Variants in DISP1 observed in about 807,000 individuals in gnomAD.
DISP1 encodes the protein dispatched RND transporter family member 1, also known as protein dispatched homolog 1.
In DISP1, 30 loss-of-function variants were observed where a neutral mutation model predicts 37.3. The ratio of observed to expected loss-of-function variants is 0.80; its 90% CI spans 0.60 to 1.09. DISP1 has a LOEUF of 1.09. Among genes scored for constraint, DISP1 ranks in the 50% least tolerant of loss-of-function variants. DISP1 has a pLI of 0.00. For synonymous variants in DISP1, 634 were observed against 690.2 expected (o/e 0.92, Z 1.28); for missense variants, 1,598 against 1,879.5 (o/e 0.85, Z 2.77).
At chr1:222,995,985 A>C (rs1283550048) in intron 8 of DISP1, among the ~76,000 whole-genome samples, 3 of 152,160 alleles carry the variant, frequency 2.0e-5, no homozygotes, top group Non-Finnish European at 2.9e-5. Flanking sequence ...TAACCAGGTA[A>C]CCTAGTTAGT....
At chr1:222,972,205 T>G (rs1236097340) in intron 3 of DISP1, among the ~76,000 whole-genome samples, 1 of 152,128 alleles carries the variant, frequency 6.6e-6, no homozygotes, top group African/African-American at 2.4e-5. Flanking sequence ...TCACCAGAAT[T>G]ATTTTCTTAT....
intron 1 of DISP1, among the ~76,000 whole-genome samples, chr1:222,850,917 C>G (rs930057445): frequency 2.6e-5 from 4 of 152,044 alleles, no homozygotes. Flanking sequence ...TTTTATCTGA[C>G]AGGCCCATTG....
At chr1:222,908,056 G>A (rs141640490) in intron 1 of DISP1, among the ~76,000 whole-genome samples, 55 of 152,206 alleles carry the variant, frequency 3.6e-4, no homozygotes, top group African/African-American at 1.1e-3. Context: ...AGATGTTTGC[G>A]CTTTGGTGGA....
At chr1:222,991,013 CTTCTACAAAATTATTCTCATAA>C (rs1159225855) in intron 5 of DISP1, among the ~76,000 whole-genome samples, 3 of 152,142 alleles carry the variant, frequency 2.0e-5, no homozygotes, top group African/African-American at 7.2e-5. Context: ...GAGAATCTGC[CTTCTACAAAATTATTCTCATAA>C]AGTCTTTAAC....
chr1:222,937,588 G>A (rs1406454940), intron 2 of DISP1, among the ~76,000 whole-genome samples: 1 of 152,046 alleles, frequency 6.6e-6, no homozygotes, highest in Admixed American at 6.6e-5. Context: ...TCGAAAGATG[G>A]TTTTTGGCCA....
chr1:222,938,341 C>G (rs532820698), intron 2 of DISP1, among the ~76,000 whole-genome samples: 2 of 149,862 alleles, frequency 1.3e-5, no homozygotes, highest in African/African-American at 4.9e-5. Context: ...CCTTATTCCA[C>G]TCCTATTATA....
At chr1:222,962,243 T>C (rs1246460747) in intron 3 of DISP1, among the ~76,000 whole-genome samples, 4 of 152,130 alleles carry the variant, frequency 2.6e-5, no homozygotes, top group African/African-American at 9.7e-5. Flanking sequence ...GAAGGACCTC[T>C]TGAAGGAGAA....
At chr1:222,844,618 T>C (rs1192100741) in intron 1 of DISP1, among the ~76,000 whole-genome samples, 3 of 152,164 alleles carry the variant, frequency 2.0e-5, no homozygotes, top group Non-Finnish European at 4.4e-5. Flanking sequence ...TAGTGTAAAT[T>C]TGCAGGAAAG....
chr1:222,954,744 G>A (rs1004135710), intron 3 of DISP1, among the ~76,000 whole-genome samples: 3 of 152,144 alleles, frequency 2.0e-5, no homozygotes, highest in Non-Finnish European at 2.9e-5. Context: ...GGCCAGGCTG[G>A]CTCACACCTG....
rs547726485 is a variant in DISP1, at chr1:222,943,840, C to T, written c.509+508C>T. ...GATTGGGAGTTTGAGACCAGCCTGA[C>T]GAACATGGACAAACCCCGTCTCTAC... is the stretch of plus-strand genomic sequence containing the variant. On this transcript the variant is annotated intron_variant, in intron 3 of 8. Coordinates refer to ENST00000675850, the MANE Select transcript of DISP1 (RefSeq NM_001377229.1). Among the ~76,000 whole-genome samples, 598 of 152,162 alleles carry T rather than the reference C, an allele frequency of 3.9e-3. 2 individuals carry two copies. The highest frequency in any genetic ancestry group is 6.9e-3 in the Non-Finnish European group (466 of 68,010).
At chr1:222,854,404 T>A in intron 1 of DISP1, among the ~76,000 whole-genome samples, 1 of 152,144 alleles carries the variant, frequency 6.6e-6, no homozygotes, top group Non-Finnish European at 1.5e-5. Context: ...TGCCACATGC[T>A]TATAAAACCA....
rs773625592 is a variant in DISP1, at chr1:223,003,463, A to G, written c.2066A>G (p.Gln689Arg). 26 of 1,614,074 alleles carry G rather than the reference A, an allele frequency of 1.6e-5. No homozygotes were observed. Among genetic ancestry groups the G allele is most frequent in the South Asian group, 1.5e-4 (14 of 91,086 alleles). ...DNKSCWTVAC[Q>R]KCHKVLFAIS... ...AAAAGCTGCTGGACAGTGGCTTGCC[A>G]GAAGTGCCACAAAGTACTCTTTGCC... The change falls in exon 9 of 9, where the codon CAG becomes CGG. Residue 689 changes from glutamine to arginine, a missense_variant. Gln to Arg is a conservative substitution (Grantham distance 43). Coordinates refer to ENST00000675850, the MANE Select transcript of DISP1 (RefSeq NM_001377229.1). This position sits in a 1 kb window ranked among gnomAD's most constrained non-coding sequence, Gnocchi z 4.3.
At chr1:222,884,697 G>A (rs1388167834) in intron 1 of DISP1, among the ~76,000 whole-genome samples, 2 of 152,098 alleles carry the variant, frequency 1.3e-5, no homozygotes, top group Non-Finnish European at 1.5e-5. Context: ...CTTGGTTAAG[G>A]TGTCTGCCCA....
At chr1:222,976,969 T>C (rs1314113729) in intron 3 of DISP1, among the ~76,000 whole-genome samples, 1 of 152,244 alleles carries the variant, frequency 6.6e-6, no homozygotes, top group African/African-American at 2.4e-5. Context: ...ACTGCCTTAC[T>C]CTCTGGAAAA....
In DISP1 at chr1:222,982,938, C is replaced by CT. The variant is rs10626845; in HGVS notation, c.510-131dup. 0.089 allele frequency: 51,204 copies of CT among 573,012 alleles called. 1,844 individuals are homozygous for CT. The highest frequency in any genetic ancestry group is 0.28 in the African/African-American group (14,792 of 52,282). 35.5% of individuals were successfully genotyped at this position (573,012 alleles called of 1,614,324 possible). ...GTTTAAAATCTCTCAAATAGATTGCCTTTTTTTTTTTAACACTTCCAAGAT... is the reference window on the plus strand; with the variant it reads ...GTTTAAAATCTCTCAAATAGATTGCCTTTTTTTTTTTTAACACTTCCAAGAT... On this transcript the variant is annotated intron_variant, in intron 3 of 8. Coordinates refer to ENST00000675850, the MANE Select transcript of DISP1 (RefSeq NM_001377229.1).
At chr1:222,926,471 G>A (rs1469069719) in intron 1 of DISP1, among the ~76,000 whole-genome samples, 2 of 152,160 alleles carry the variant, frequency 1.3e-5, no homozygotes, top group Non-Finnish European at 1.5e-5. Context: ...TGAAGTCACT[G>A]CAAACACTGA....
At chr1:222,904,568 T>C (rs899218340) in intron 1 of DISP1, among the ~76,000 whole-genome samples, 1 of 147,828 alleles carries the variant, frequency 6.8e-6, no homozygotes, top group Non-Finnish European at 1.5e-5. Flanking sequence ...TTTATTTTTT[T>C]ATTTTATTTT....
At chr1:222,936,651 A>C (rs866208660) in intron 2 of DISP1, among the ~76,000 whole-genome samples, 20 of 111,080 alleles carry the variant, frequency 1.8e-4, no homozygotes, top group South Asian at 2.6e-4. Context: ...AGATATATAT[A>C]TCTCTCATAT....
chr1:222,859,683 C>CTT (rs2125324165), intron 1 of DISP1, among the ~76,000 whole-genome samples: 1 of 152,090 alleles, frequency 6.6e-6, no homozygotes, highest in East Asian at 1.9e-4. Context: ...TTTAAAAAGA[C>CTT]TAAGAGATAG....
Sources: gnomAD v4.1 joint callset for allele counts (sites outside exome capture counted in the v4.1 genomes callset) on GRCh38, gnomAD v4.1.1 for gene constraint, Gnocchi (gnomAD v3.1) non-coding constraint, MANE v1.5 for transcripts, NCBI Gene and HGNC (gene_info 2026-07-23, HGNC 2026-07-21) for gene names.